Variants in NMNAT3 observed in about 807,000 individuals in gnomAD.
NMNAT3 encodes the protein nicotinamide/nicotinic acid mononucleotide adenylyltransferase 3.
A neutral mutation model predicts 24.8 loss-of-function variants in NMNAT3; 21 were observed. The ratio of observed to expected loss-of-function variants is 0.85; its 90% CI spans 0.60 to 1.22. The LOEUF (loss-of-function observed/expected upper bound fraction) is 1.22, where lower values mean the gene tolerates loss of function less well. Among genes scored for constraint, NMNAT3 ranks in the 50% most tolerant of loss-of-function variants. The pLI is 0.00. For synonymous variants in NMNAT3, 136 were observed against 155.2 expected (o/e 0.88, Z 0.92); for missense variants, 387 against 436.6 (o/e 0.89, Z 1.01).
intron 3 of NMNAT3, among the ~76,000 whole-genome samples, chr3:139,586,793 G>A (rs1486458250): frequency 1.3e-5 from 2 of 152,138 alleles, no homozygotes; most frequent in Admixed American, 1.3e-4. Context: ...AGCCCACAGA[G>A]CAGTAAAAAG....
chr3:139,581,853 A>G (rs1321031114), intron 4 of NMNAT3, among the ~76,000 whole-genome samples: 1 of 152,120 alleles, frequency 6.6e-6, no homozygotes, highest in Non-Finnish European at 1.5e-5. Flanking sequence ...CTTGAAACAT[A>G]CGTAGTTTAT....
In NMNAT3 at chr3:139,573,632, T is replaced by C; in HGVS notation, c.624A>G (p.Pro208=). ...TCGAGAAGAGTGCCTTGCCATGGTC[T>C]GGGCCTTCCATCTGGGGTGGAGATC... Residue 208 remains proline, a synonymous_variant, in exon 6 of 7, where the codon CCA becomes CCG. Coordinates refer to ENST00000643695, the MANE Select transcript of NMNAT3 (RefSeq NM_001320510.2). 6.2e-7 allele frequency: 1 copy of C among 1,606,430 alleles called. No homozygotes were observed. Among genetic ancestry groups the C allele is most frequent in the Non-Finnish European group, 8.5e-7 (1 of 1,177,030 alleles).
At chr3:139,620,842 A>G (rs1297616423) in intron 3 of NMNAT3, among the ~76,000 whole-genome samples, 1 of 152,166 alleles carries the variant, frequency 6.6e-6, no homozygotes, top group African/African-American at 2.4e-5. Context: ...CATCTATGAC[A>G]TTGTGCAGTG....
intron 3 of NMNAT3, among the ~76,000 whole-genome samples, chr3:139,617,101 A>G (rs912910605): frequency 6.6e-6 from 1 of 152,096 alleles, no homozygotes; most frequent in Non-Finnish European, 1.5e-5. Flanking sequence ...TCAGTCCTTA[A>G]CATTCTCAGA....
At position 139,655,209 on chromosome 3, in the gene NMNAT3, G is replaced by C. The variant is rs145081519; in HGVS notation, c.-140-17147C>G. Among the ~76,000 whole-genome samples the C allele has an allele frequency of 2.5e-3, 376 of 152,304 alleles. 1 individual carries two copies. The highest frequency in any genetic ancestry group is 8.9e-3 in the African/African-American group (369 of 41,570). On this transcript the variant is annotated intron_variant, in intron 1 of 6. Transcript: ENST00000643695. ...TGGCTAAGGTGCATGGGAGGCCTGCGCCAGCCTGCCAAGGGCCTTATGCTC... is the reference window on the plus strand; with the variant it reads ...TGGCTAAGGTGCATGGGAGGCCTGCCCCAGCCTGCCAAGGGCCTTATGCTC...
rs11306053 is a variant in NMNAT3 at position 139,561,990 on chromosome 3, GT to G, written c.659-599del. Among the ~76,000 whole-genome samples, 3,492 of 152,254 alleles carry G rather than the reference GT, an allele frequency of 0.023. 178 individuals carry two copies. The East Asian group carries it at 0.23, about 10-fold the overall frequency. On this transcript the variant is annotated intron_variant, in intron 6 of 6. Coordinates refer to ENST00000643695, the MANE Select transcript of NMNAT3 (RefSeq NM_001320510.2). ...ACAAAGCTCTAGAACAATGCTTAAT[GT>G]GGATAATCCTTTGGAATGTGTTCTA...
At chr3:139,567,192 T>C (rs1295560388) in intron 6 of NMNAT3, 1 of 152,216 alleles carries the variant, frequency 6.6e-6, no homozygotes, top group East Asian at 1.9e-4. Context: ...ATGCTTGTGA[T>C]TTTTGTACAT....
At chr3:139,610,391 G>T (rs1332695267) in intron 3 of NMNAT3, among the ~76,000 whole-genome samples, 1 of 152,136 alleles carries the variant, frequency 6.6e-6, no homozygotes, top group Non-Finnish European at 1.5e-5. Flanking sequence ...CATTTTAAAA[G>T]AATTTGGAAT....
intron 1 of NMNAT3, among the ~76,000 whole-genome samples, chr3:139,662,982 C>G (rs1038552496): frequency 6.6e-6 from 1 of 152,196 alleles, no homozygotes; most frequent in Admixed American, 6.5e-5. Flanking sequence ...CAGGTGTATT[C>G]GTTTCCTATT....
intron 6 of NMNAT3, among the ~76,000 whole-genome samples, chr3:139,564,444 C>T (rs1358662336): frequency 2.0e-5 from 3 of 152,194 alleles, no homozygotes; most frequent in African/African-American, 7.2e-5. Context: ...CTGAATGTGG[C>T]TGAGCTGTGC....
intron 1 of NMNAT3, among the ~76,000 whole-genome samples, chr3:139,675,164 G>T (rs1021967037): frequency 2.9e-3 from 117 of 40,828 alleles, no homozygotes; most frequent in Non-Finnish European, 6.2e-3. Flanking sequence ...ACACACACAC[G>T]TGCACATATA....
At chr3:139,593,320 A>T (rs1022511770) in intron 3 of NMNAT3, among the ~76,000 whole-genome samples, 1 of 152,150 alleles carries the variant, frequency 6.6e-6, no homozygotes, top group African/African-American at 2.4e-5. Flanking sequence ...TAAAGTCCTT[A>T]GTGACCTACA....
At chr3:139,606,432 G>C (rs1022274457) in intron 3 of NMNAT3, among the ~76,000 whole-genome samples, 1 of 152,168 alleles carries the variant, frequency 6.6e-6, no homozygotes, top group Non-Finnish European at 1.5e-5. Flanking sequence ...GAGGGTACAT[G>C]ATGTTGATTT....
At chr3:139,661,292 C>T (rs189640374) in intron 1 of NMNAT3, among the ~76,000 whole-genome samples, 18 of 152,226 alleles carry the variant, frequency 1.2e-4, no homozygotes, top group African/African-American at 3.9e-4. Flanking sequence ...TGTAGGGCTG[C>T]GTCTAGCTCA....
At position 139,639,306 on chromosome 3, in the gene NMNAT3, G is replaced by A. The variant is rs145573757; in HGVS notation, c.-140-1244C>T. ...TGGATGAGGTCAAAACAAAGACAAC[G>A]TTGGGAGGCAGTTCTCCATGGGTTG... On this transcript the variant is annotated intron_variant, in intron 1 of 6. Transcript: ENST00000643695. Among the ~76,000 whole-genome samples, 109 of 152,326 alleles carry A rather than the reference G, an allele frequency of 7.2e-4. 2 individuals carry two copies. In the South Asian group the frequency reaches 8.3e-3, roughly 12 times the overall value.
chr3:139,596,943 TATATATATATATATATATATA>T (rs1559890988), intron 3 of NMNAT3, among the ~76,000 whole-genome samples: 40 of 129,496 alleles, frequency 3.1e-4, no homozygotes, highest in African/African-American at 1.3e-3. Flanking sequence ...TATATATATA[TATATATATATATATATATATA>T]TTTTTATTAC....
In NMNAT3 at chr3:139,560,919, G is replaced by T; in HGVS notation, c.*91C>A. On this transcript the variant is annotated 3_prime_UTR_variant, in exon 7 of 7. Transcript: ENST00000643695. Reference sequence around the variant, plus strand: ...AGAAATAAAGCAAATGAAAAATGGAGAAGCAAAAACCAAAGTAAAACAGAA... The same window carrying T: ...AGAAATAAAGCAAATGAAAAATGGATAAGCAAAAACCAAAGTAAAACAGAA... 1 of 1,324,546 alleles carries T rather than the reference G, an allele frequency of 7.5e-7. No individual in the cohort carries two copies. The highest frequency in any genetic ancestry group is 1.0e-6 in the Non-Finnish European group (1 of 960,502). 82.0% of individuals were successfully genotyped at this position (1,324,546 alleles called of 1,614,324 possible).
intron 3 of NMNAT3, among the ~76,000 whole-genome samples, chr3:139,612,549 C>G (rs1224803381): frequency 1.3e-5 from 2 of 152,134 alleles, no homozygotes; most frequent in Admixed American, 1.3e-4. Flanking sequence ...GGCAGGTAGT[C>G]TAAATGCATG....
intron 6 of NMNAT3, among the ~76,000 whole-genome samples, chr3:139,562,073 T>C (rs1576479446): frequency 6.6e-6 from 1 of 152,204 alleles, no homozygotes; most frequent in African/African-American, 2.4e-5. Flanking sequence ...GAGATTACTG[T>C]GGGCACTACT....
Sources: allele counts gnomAD v4.1 joint callset (sites outside exome capture counted in the v4.1 genomes callset), GRCh38; gene constraint gnomAD v4.1.1; transcripts MANE v1.5; gene names NCBI Gene and HGNC (gene_info 2026-07-23, HGNC 2026-07-21).